TMEM132D: variants seen among roughly 807,000 people sequenced by gnomAD.
TMEM132D encodes the protein mature OL transmembrane protein.
Under a neutral mutation model 62.3 loss-of-function variants are expected in TMEM132D, and 21 were observed. The observed-to-expected ratio is 0.34, with a 90% confidence interval of 0.24 to 0.49. The LOEUF is 0.49. TMEM132D is among the 20% of genes least tolerant of loss of function. The probability of loss-of-function intolerance (pLI) is 0.99; values close to 1 mark genes in which losing one functional copy is unlikely to be tolerated. For missense variants in TMEM132D, 1,346 were observed against 1,402.8 expected (o/e 0.96, Z 0.65); for synonymous variants, 621 against 575.6 (o/e 1.08, Z -1.13).
chr12:129,665,553 A>G (rs1046520849), intron 2 of TMEM132D, among the ~76,000 whole-genome samples: 6 of 151,962 alleles, frequency 3.9e-5, no homozygotes, highest in African/African-American at 7.3e-5. Flanking sequence ...TGAACAGTCT[A>G]CTTAAAATAC....
chr12:129,777,805 A>G, intron 1 of TMEM132D, among the ~76,000 whole-genome samples: 1 of 152,116 alleles, frequency 6.6e-6, no homozygotes, highest in African/African-American at 2.4e-5. Context: ...AACACAAATA[A>G]ATTTCATTTA....
chr12:129,463,434 T>A (rs976209709), intron 3 of TMEM132D, among the ~76,000 whole-genome samples: 8 of 140,652 alleles, frequency 5.7e-5, no homozygotes, highest in African/African-American at 1.8e-4. Flanking sequence ...CTGGGATCCC[T>A]GTCCTATTTA....
chr12:129,722,387 C>A (rs2137245203), intron 1 of TMEM132D, among the ~76,000 whole-genome samples: 1 of 152,302 alleles, frequency 6.6e-6, no homozygotes, highest in East Asian at 1.9e-4. Flanking sequence ...CTGCAAGCCC[C>A]CGTCACATCG....
chr12:129,682,885 GACTT>G (rs1880820146), intron 2 of TMEM132D: 1 of 106,632 alleles, frequency 9.4e-6, no homozygotes, highest in Non-Finnish European at 2.0e-5. Context: ...AAAAAAAAGA[GACTT>G]ACAGATTTTG....
At chr12:129,596,204 G>A (rs1367075208) in intron 2 of TMEM132D, among the ~76,000 whole-genome samples, 1 of 152,174 alleles carries the variant, frequency 6.6e-6, no homozygotes, top group African/African-American at 2.4e-5. Flanking sequence ...GTTATAAATT[G>A]AGAAAGTAGC....
intron 8 of TMEM132D, among the ~76,000 whole-genome samples, chr12:129,078,124 A>G (rs1359699854): frequency 6.6e-6 from 1 of 152,168 alleles, no homozygotes; most frequent in African/African-American, 2.4e-5. Context: ...CTCCAGCAGG[A>G]CCTTGGCATC....
chr12:129,233,991 C>A (rs1286457736), intron 4 of TMEM132D, among the ~76,000 whole-genome samples: 1 of 152,144 alleles, frequency 6.6e-6, no homozygotes, highest in African/African-American at 2.4e-5. Flanking sequence ...GACTTTCAAA[C>A]CACATCTTTA....
intron 2 of TMEM132D, among the ~76,000 whole-genome samples, chr12:129,628,759 A>T (rs1203328286): frequency 1.3e-5 from 2 of 151,826 alleles, no homozygotes; most frequent in Non-Finnish European, 2.9e-5. Context: ...TCCCTCTCTC[A>T]TCTTCCCATG....
chr12:129,202,520 T>G (rs1366656241), intron 5 of TMEM132D, among the ~76,000 whole-genome samples: 1 of 152,230 alleles, frequency 6.6e-6, no homozygotes, highest in Non-Finnish European at 1.5e-5. Flanking sequence ...GGTGGTTTCA[T>G]GAGTCATTCT....
intron 3 of TMEM132D, among the ~76,000 whole-genome samples, chr12:129,387,825 T>C (rs1871156208): frequency 1.5e-5 from 2 of 133,124 alleles, no homozygotes; most frequent in Admixed American, 7.5e-5. Flanking sequence ...AATCCTAATA[T>C]AAACACTAAC....
At chr12:129,355,290 CT>C (rs200532782) in intron 3 of TMEM132D, among the ~76,000 whole-genome samples, 7 of 151,330 alleles carry the variant, frequency 4.6e-5, no homozygotes, top group South Asian at 2.1e-4. Context: ...TACCTGTATG[CT>C]TTTTTTTTCC....
chr12:129,649,801 T>G (rs1879875063), intron 2 of TMEM132D, among the ~76,000 whole-genome samples: 1 of 150,974 alleles, frequency 6.6e-6, no homozygotes, highest in African/African-American at 2.4e-5. Flanking sequence ...TGTGTGCGTA[T>G]GTGTGTGTGT....
intron 1 of TMEM132D, among the ~76,000 whole-genome samples, chr12:129,817,592 G>GGTGTGT (rs112314739): frequency 6.8e-6 from 1 of 146,376 alleles, no homozygotes; most frequent in South Asian, 2.2e-4. Flanking sequence ...AAGATAAGAT[G>GGTGTGT]GTGTGTGTGT....
chr12:129,553,345 C>T (rs1021180043), intron 2 of TMEM132D, among the ~76,000 whole-genome samples: 1 of 152,194 alleles, frequency 6.6e-6, no homozygotes, highest in Admixed American at 6.5e-5. Context: ...CCCCCTCACT[C>T]TCTGCTCTGT....
chr12:129,472,228 C>A (rs1325327053), intron 3 of TMEM132D, among the ~76,000 whole-genome samples: 1 of 152,184 alleles, frequency 6.6e-6, no homozygotes, highest in African/African-American at 2.4e-5. Context: ...CATGCTGACT[C>A]CCTTGTTAGG....
intron 2 of TMEM132D, among the ~76,000 whole-genome samples, chr12:129,635,497 C>T (rs946699710): frequency 7.2e-5 from 11 of 152,178 alleles, no homozygotes; most frequent in African/African-American, 2.4e-4. Flanking sequence ...CAAGAAGCCT[C>T]AGGTCAAGGG....
intron 4 of TMEM132D, among the ~76,000 whole-genome samples, chr12:129,222,621 T>C (rs1409374501): frequency 1.1e-4 from 16 of 152,292 alleles, no homozygotes. Flanking sequence ...CTATTGGCTG[T>C]ATTTATAATT....
intron 1 of TMEM132D, among the ~76,000 whole-genome samples, chr12:129,886,810 T>C (rs533886485): frequency 6.6e-6 from 1 of 152,284 alleles, no homozygotes; most frequent in African/African-American, 2.4e-5. Flanking sequence ...TGAGGGTGGT[T>C]ACCCCCATGC....
At chr12:129,617,465 C>G (rs531432203) in intron 2 of TMEM132D, among the ~76,000 whole-genome samples, 1 of 152,276 alleles carries the variant, frequency 6.6e-6, no homozygotes, top group African/African-American at 2.4e-5. Context: ...ATGCCACAGA[C>G]TTGGTAGCTC....
Sources: allele counts gnomAD v4.1 joint callset (sites outside exome capture counted in the v4.1 genomes callset), GRCh38; gene constraint gnomAD v4.1.1; transcripts MANE v1.5; gene names NCBI Gene and HGNC (gene_info 2026-07-23, HGNC 2026-07-21).